Variants in ADGRV1 observed in about 807,000 individuals in gnomAD.
ADGRV1 encodes the protein G-protein coupled receptor 98.
ADGRV1 carries 359 observed loss-of-function variants against 596.2 expected under a neutral mutation model. The ratio of observed to expected loss-of-function variants is 0.60; its 90% CI spans 0.55 to 0.66. ADGRV1 has a LOEUF of 0.66. ADGRV1 is among the 30% of genes least tolerant of loss of function. ADGRV1 has a pLI of 0.00. For missense variants in ADGRV1, 7,274 were observed against 7,575.6 expected, an observed-to-expected ratio of 0.96 and a Z score of 1.48; for synonymous variants, 2,681 against 2,679.2, an observed-to-expected ratio of 1.00 and a Z score of -0.02.
chr5:90,776,653 A>C (rs1318367509), intron 61 of ADGRV1, 77 bp downstream of exon 61: 9 of 1,424,314 alleles, frequency 6.3e-6, no homozygotes, highest in Non-Finnish European at 8.9e-6. Flanking sequence ...TAAGTTTATC[A>C]TTCTCAATAC....
intron 67 of ADGRV1, among the ~76,000 whole-genome samples, chr5:90,785,419 C>T (rs1228884517): frequency 6.6e-6 from 1 of 152,170 alleles, no homozygotes; most frequent in African/African-American, 2.4e-5. Context: ...TCTAATTAAA[C>T]TAAAGAGCTT....
rs1208976926 is a variant in ADGRV1, at chr5:90,756,987, G to A, written c.11766G>A (p.Gly3922=). 13 of 1,599,350 alleles carry A rather than the reference G, an allele frequency of 8.1e-6. No individual in the cohort carries two copies. The highest frequency in any genetic ancestry group is 1.7e-4 in the Middle Eastern group (1 of 5,974). Residue 3922 remains glycine, a synonymous_variant, in exon 57 of 90, where the codon GGG becomes GGA. Coordinates refer to ENST00000405460, the MANE Select transcript of ADGRV1 (RefSeq NM_032119.4). The part of the protein sequence containing the change: ...IFMFHVTRGA[G]EVITAYEVPP... ...ATATTCTTTACTTAAAGGGCGCTGG[G>A]GAAGTTATTACTGCCTATGAGGTGC... is the stretch of plus-strand genomic sequence containing the variant.
intron 86 of ADGRV1, among the ~76,000 whole-genome samples, chr5:91,079,620 A>T (rs1466619795): frequency 6.6e-6 from 1 of 152,182 alleles, no homozygotes; most frequent in Non-Finnish European, 1.5e-5. Flanking sequence ...GAAGGTTTAA[A>T]TTTCTGTTGA....
intron 85 of ADGRV1, among the ~76,000 whole-genome samples, chr5:91,022,324 C>G (rs2151190768): frequency 6.6e-6 from 1 of 152,092 alleles, no homozygotes; most frequent in East Asian, 1.9e-4. Context: ...TAAATCCGGA[C>G]TTAGGCTTAG....
chr5:91,064,699 A>G (rs1447628312), intron 85 of ADGRV1, among the ~76,000 whole-genome samples: 2 of 152,222 alleles, frequency 1.3e-5, no homozygotes, highest in African/African-American at 4.8e-5. Context: ...AAATTGCTGT[A>G]TGCTCTACAA....
At chr5:90,972,746 A>G (rs1779166473) in intron 84 of ADGRV1, among the ~76,000 whole-genome samples, 1 of 152,226 alleles carries the variant, frequency 6.6e-6, no homozygotes, top group Admixed American at 6.5e-5. Context: ...CACAAGAGAA[A>G]GCAGGAACGA....
chr5:90,597,014 A>G (rs181152464), intron 1 of ADGRV1, among the ~76,000 whole-genome samples: 15 of 152,368 alleles, frequency 9.8e-5, no homozygotes, highest in Admixed American at 3.9e-4. Context: ...TGATCAACTC[A>G]TCTTCACTAT....
intron 77 of ADGRV1, among the ~76,000 whole-genome samples, chr5:90,837,220 G>A (rs1458944625): frequency 2.0e-5 from 3 of 152,050 alleles, no homozygotes; most frequent in Non-Finnish European, 4.4e-5. Flanking sequence ...TAGACCTATA[G>A]CTAAAAACAA....
At chr5:90,758,721 C>T (rs998504858) in intron 57 of ADGRV1, among the ~76,000 whole-genome samples, 1 of 152,132 alleles carries the variant, frequency 6.6e-6, no homozygotes, top group South Asian at 2.1e-4. Context: ...AAATGTCTGT[C>T]AGAAACATTG....
rs1279631029 is a variant in ADGRV1 at position 90,791,079 on chromosome 5, A to G, written c.14250A>G (p.Thr4750=). Reference sequence around the variant, plus strand: ...AACTGGATCTGGAGAAGAGTATCACATGGTTCTCTGTTTATGCAAATGATG... The same window carrying G: ...AACTGGATCTGGAGAAGAGTATCACGTGGTTCTCTGTTTATGCAAATGATG... ...GAELDLEKSI[T]WFSVYANDDP... The change falls in exon 70 of 90, where the codon ACA becomes ACG. Residue 4750 remains threonine (T), a synonymous_variant. Coordinates refer to ENST00000405460, the MANE Select transcript of ADGRV1 (RefSeq NM_032119.4). 3.1e-6 allele frequency: 5 copies of G among 1,613,848 alleles called. No individual in the cohort carries two copies. In the Admixed American group the frequency reaches 5.0e-5, roughly 16 times the overall value.
At chr5:91,079,098 T>G (rs752956895) in intron 86 of ADGRV1, among the ~76,000 whole-genome samples, 2 of 152,234 alleles carry the variant, frequency 1.3e-5, no homozygotes, top group Non-Finnish European at 2.9e-5. Flanking sequence ...AGTAACAGTA[T>G]GTACTTGAAT....
chr5:90,698,854 A>G (rs985463223), intron 34 of ADGRV1, among the ~76,000 whole-genome samples: 19 of 152,068 alleles, frequency 1.2e-4, no homozygotes, highest in Admixed American at 9.8e-4. Context: ...TGTGTTTTCA[A>G]TCAGTTACAC....
At chr5:91,048,755 CT>C (rs1786055242) in intron 85 of ADGRV1, among the ~76,000 whole-genome samples, 1 of 152,202 alleles carries the variant, frequency 6.6e-6, no homozygotes, top group South Asian at 2.1e-4. Context: ...TGTCTTCCAG[CT>C]TACTTCGATA....
At chr5:90,633,282 TTTTC>T (rs1304439963) in intron 9 of ADGRV1, among the ~76,000 whole-genome samples, 5 of 152,214 alleles carry the variant, frequency 3.3e-5, no homozygotes, top group Non-Finnish European at 5.9e-5. Flanking sequence ...ACCATCTACA[TTTTC>T]TTTCTATTTG....
At chr5:90,896,561 C>T (rs1771345247) in intron 83 of ADGRV1, among the ~76,000 whole-genome samples, 1 of 151,972 alleles carries the variant, frequency 6.6e-6, no homozygotes, top group African/African-American at 2.4e-5. Flanking sequence ...AGGTGTGAGC[C>T]ACTGCACCTG....
chr5:91,132,627 A>G (rs1794308383), intron 87 of ADGRV1, among the ~76,000 whole-genome samples: 1 of 152,268 alleles, frequency 6.6e-6, no homozygotes, highest in Non-Finnish European at 1.5e-5. Flanking sequence ...ATGCGTAATC[A>G]GAAGAATGCC....
intron 83 of ADGRV1, among the ~76,000 whole-genome samples, chr5:90,920,004 A>G (rs1773733190): frequency 6.6e-6 from 1 of 151,946 alleles, no homozygotes; most frequent in Non-Finnish European, 1.5e-5. Context: ...CAAAAAAAAA[A>G]AAAAAAAAAA....
intron 76 of ADGRV1, among the ~76,000 whole-genome samples, chr5:90,826,557 T>C (rs1261093271): frequency 1.3e-5 from 2 of 152,084 alleles, no homozygotes; most frequent in African/African-American, 4.8e-5. Flanking sequence ...AAGAAAATAA[T>C]GAATGAGAAG....
chr5:90,740,850 G>A (rs1034883681), intron 50 of ADGRV1, among the ~76,000 whole-genome samples: 5 of 152,116 alleles, frequency 3.3e-5, no homozygotes, highest in African/African-American at 1.2e-4. Context: ...CTTGTGTGCC[G>A]GACTGTGCTG....
Sources: allele counts gnomAD v4.1 joint callset (sites outside exome capture counted in the v4.1 genomes callset), GRCh38; gene constraint gnomAD v4.1.1; transcripts MANE v1.5; gene names NCBI Gene and HGNC (gene_info 2026-07-23, HGNC 2026-07-21).